Variants in ULK4 observed in about 807,000 individuals in gnomAD.
The protein encoded by ULK4 is unc-51 like kinase 4.
In ULK4, 133 loss-of-function variants were observed where a neutral mutation model predicts 160.6. The observed-to-expected ratio is 0.83, with a 90% CI of 0.72 to 0.96. ULK4 has a LOEUF of 0.96. Ranked by LOEUF, ULK4 falls within the 40% of genes least tolerant of loss-of-function variation. The pLI is 0.00. For synonymous variants in ULK4, 534 were observed against 539.8 expected, an observed-to-expected ratio of 0.99 and a Z score of 0.15; for missense variants, 1,580 against 1,499.5, an observed-to-expected ratio of 1.05 and a Z score of -0.89.
At chr3:41,750,203 G>T (rs1559526237) in intron 22 of ULK4, among the ~76,000 whole-genome samples, 1 of 152,224 alleles carries the variant, frequency 6.6e-6, no homozygotes, top group Non-Finnish European at 1.5e-5. Context: ...TGCCTTTAAT[G>T]ATGGAGTCTG....
intron 20 of ULK4, among the ~76,000 whole-genome samples, chr3:41,790,644 CA>C (rs1213197610): frequency 1.3e-5 from 2 of 152,138 alleles, no homozygotes; most frequent in Non-Finnish European, 2.9e-5. Flanking sequence ...AACAAGTATT[CA>C]CATGGAGACA....
At chr3:41,747,863 A>T (rs749097309) in intron 22 of ULK4, among the ~76,000 whole-genome samples, 22 of 152,134 alleles carry the variant, frequency 1.4e-4, no homozygotes, top group Non-Finnish European at 3.1e-4. Context: ...GTAGCCGATG[A>T]AACTGTGAGA....
At chr3:41,589,984 A>C (rs1053259674) in intron 31 of ULK4, among the ~76,000 whole-genome samples, 2 of 152,162 alleles carry the variant, frequency 1.3e-5, no homozygotes, top group East Asian at 3.9e-4. Context: ...GAGATGTTTT[A>C]AAGAACCAAA....
At chr3:41,428,173 A>C (rs2082820760) in intron 34 of ULK4, among the ~76,000 whole-genome samples, 1 of 152,186 alleles carries the variant, frequency 6.6e-6, no homozygotes, top group Non-Finnish European at 1.5e-5. Context: ...CACAATTGTT[A>C]CAAAGAGAAT....
At chr3:41,314,707 T>G (rs1341802289) in intron 35 of ULK4, among the ~76,000 whole-genome samples, 1 of 152,236 alleles carries the variant, frequency 6.6e-6, no homozygotes, top group Non-Finnish European at 1.5e-5. Context: ...AAATATGGTC[T>G]GAGTATACAA....
intron 35 of ULK4, among the ~76,000 whole-genome samples, chr3:41,298,393 C>T (rs963571362): frequency 6.6e-6 from 1 of 152,150 alleles, no homozygotes; most frequent in African/African-American, 2.4e-5. Flanking sequence ...CAAAAGTCAG[C>T]CCCCCAAAAC....
chr3:41,418,548 G>A (rs1226705440), intron 34 of ULK4, among the ~76,000 whole-genome samples: 1 of 151,994 alleles, frequency 6.6e-6, no homozygotes, highest in Non-Finnish European at 1.5e-5. Context: ...ACTTTTTCTG[G>A]TCTTCATTTC....
intron 35 of ULK4, among the ~76,000 whole-genome samples, chr3:41,330,399 T>G (rs1000546653): frequency 1.7e-4 from 26 of 152,340 alleles, no homozygotes; most frequent in African/African-American, 5.3e-4. Flanking sequence ...CAGGCAATGC[T>G]TACCTAGACA....
intron 32 of ULK4, among the ~76,000 whole-genome samples, chr3:41,467,283 T>G (rs959439548): frequency 6.6e-6 from 1 of 152,176 alleles, no homozygotes; most frequent in African/African-American, 2.4e-5. Context: ...ATTCCAGCAC[T>G]TTGGGAGGCC....
At chr3:41,503,576 T>C (rs886819919) in intron 32 of ULK4, among the ~76,000 whole-genome samples, 2 of 152,244 alleles carry the variant, frequency 1.3e-5, no homozygotes, top group East Asian at 1.9e-4. Flanking sequence ...CATCTGCAGA[T>C]GCCAGCTGTC....
intron 17 of ULK4, among the ~76,000 whole-genome samples, chr3:41,843,476 A>G (rs1318206615): frequency 6.6e-6 from 1 of 151,878 alleles, no homozygotes; most frequent in African/African-American, 2.4e-5. Context: ...ATGTATTTGG[A>G]GTTTCCTCCT....
intron 35 of ULK4, among the ~76,000 whole-genome samples, chr3:41,349,908 C>T (rs914568757): frequency 6.6e-6 from 1 of 152,170 alleles, no homozygotes; most frequent in African/African-American, 2.4e-5. Context: ...GAAGGCCGCA[C>T]ACATCTTTCT....
At chr3:41,419,246 G>C (rs1004568353) in intron 34 of ULK4, among the ~76,000 whole-genome samples, 4 of 152,106 alleles carry the variant, frequency 2.6e-5, no homozygotes, top group African/African-American at 9.7e-5. Context: ...CAGTGTGCTC[G>C]GTGTTTCTGA....
At chr3:41,859,527 C>G in intron 17 of ULK4, 1 of 545,546 alleles carries the variant, frequency 1.8e-6, no homozygotes, top group Non-Finnish European at 3.7e-6. Context: ...ACCAAGGCAC[C>G]AAGAAGCCAA....
intron 35 of ULK4, among the ~76,000 whole-genome samples, chr3:41,390,139 ATT>A (rs943129422): frequency 6.6e-6 from 1 of 151,880 alleles, no homozygotes; most frequent in African/African-American, 2.4e-5. Flanking sequence ...TTTCTTCTAG[ATT>A]TTCTAGTTTA....
intron 32 of ULK4, among the ~76,000 whole-genome samples, chr3:41,489,940 C>G (rs549179436): frequency 1.3e-5 from 2 of 152,268 alleles, no homozygotes; most frequent in South Asian, 4.1e-4. Context: ...ATTCAGAGGA[C>G]AGGACTCCCA....
At chr3:41,563,005 T>C (rs1461079244) in intron 32 of ULK4, among the ~76,000 whole-genome samples, 1 of 152,218 alleles carries the variant, frequency 6.6e-6, no homozygotes, top group Non-Finnish European at 1.5e-5. Flanking sequence ...CTACAGGTTG[T>C]TCCTTTCCAT....
intron 22 of ULK4, among the ~76,000 whole-genome samples, chr3:41,728,615 T>G (rs1360117772): frequency 6.6e-6 from 1 of 151,972 alleles, no homozygotes; most frequent in Non-Finnish European, 1.5e-5. Context: ...CTCCAAGGAC[T>G]GAGTCATGGA....
chr3:41,259,511 A>G (rs1219682914), intron 35 of ULK4, among the ~76,000 whole-genome samples: 2 of 152,232 alleles, frequency 1.3e-5, no homozygotes, highest in Admixed American at 1.3e-4. Flanking sequence ...CCATTGAGGG[A>G]CAAATCTAAG....
Sources: gnomAD v4.1 joint callset for allele counts (sites outside exome capture counted in the v4.1 genomes callset) on GRCh38, gnomAD v4.1.1 for gene constraint, MANE v1.5 for transcripts, NCBI Gene and HGNC (gene_info 2026-07-23, HGNC 2026-07-21) for gene names.